CACNA1E: variants seen among roughly 807,000 people sequenced by gnomAD.
CACNA1E encodes calcium voltage-gated channel subunit alpha1 E.
A neutral mutation model predicts 259.2 loss-of-function variants in CACNA1E; 40 were observed. The observed-to-expected ratio is 0.15, with a 90% CI of 0.12 to 0.20. The LOEUF is 0.20. CACNA1E is among the 10% of genes least tolerant of loss of function. The pLI, the probability that CACNA1E is intolerant of heterozygous loss-of-function variation, is 1.00. For synonymous variants in CACNA1E, 1,104 were observed against 1,138.5 expected, an observed-to-expected ratio of 0.97 and a Z score of 0.61; for missense variants, 1,874 against 3,040.1, an observed-to-expected ratio of 0.62 and a Z score of 9.02.
At chr1:181,739,370 C>T in intron 25 of CACNA1E, 117 bp downstream of exon 25, 1 of 754,682 alleles carries the variant, frequency 1.3e-6, no homozygotes, top group Non-Finnish European at 2.3e-6. Flanking sequence ...AATGCCCCCG[C>T]TGGAAATCTG....
At position 181,668,044 on chromosome 1, in the gene CACNA1E, A is replaced by G. The variant is rs1045281657; in HGVS notation, c.1055+16603A>G. On this transcript the variant is annotated intron_variant, in intron 7 of 47. Transcript: ENST00000367573. ...GATTTCACCAGTTTCACATACACTCATTTGTGTGTGTAGTTCCATGTAATT... is the reference window on the plus strand; with the variant it reads ...GATTTCACCAGTTTCACATACACTCGTTTGTGTGTGTAGTTCCATGTAATT... 3.3e-5 allele frequency among the ~76,000 whole-genome samples: 5 copies of G among 152,224 alleles called. No homozygotes were observed. In the East Asian group the frequency reaches 7.7e-4, roughly 24 times the overall value.
chr1:181,645,981 T>C (rs1349363844), intron 6 of CACNA1E, among the ~76,000 whole-genome samples: 1 of 152,146 alleles, frequency 6.6e-6, no homozygotes, highest in Non-Finnish European at 1.5e-5. Flanking sequence ...AGGCCAGGTA[T>C]GTGTCTGTGA....
intron 18 of CACNA1E, among the ~76,000 whole-genome samples, chr1:181,729,327 G>A (rs7533899): frequency 0.026 from 3,973 of 152,312 alleles, 173 homozygotes; most frequent in African/African-American, 0.09. Flanking sequence ...ACCAGTGTGC[G>A]TACATTGCTT....
At chr1:181,559,416 T>C (rs1649082659) in intron 3 of CACNA1E, among the ~76,000 whole-genome samples, 2 of 152,162 alleles carry the variant, frequency 1.3e-5, no homozygotes, top group Non-Finnish European at 2.9e-5. Flanking sequence ...AGTTGGGCAC[T>C]TCGTTTCAGT....
chr1:181,739,296 T>C, intron 25 of CACNA1E, 43 bp downstream of exon 25: 1 of 1,235,676 alleles, frequency 8.1e-7, no homozygotes, highest in East Asian at 2.3e-5. Flanking sequence ...CTTCCCCTCT[T>C]CCTGGAGACT....
At chr1:181,568,047 T>C (rs1259046887) in intron 3 of CACNA1E, among the ~76,000 whole-genome samples, 3 of 152,148 alleles carry the variant, frequency 2.0e-5, no homozygotes, top group Non-Finnish European at 2.9e-5. Flanking sequence ...ATCACCACTT[T>C]ATATGCTTTT....
chr1:181,429,704 C>A (rs567710290), intron 2 of CACNA1E, among the ~76,000 whole-genome samples: 1 of 152,162 alleles, frequency 6.6e-6, no homozygotes, highest in African/African-American at 2.4e-5. Flanking sequence ...AGGCTGTGGC[C>A]GGGAAGACAG....
intron 27 of CACNA1E, among the ~76,000 whole-genome samples, chr1:181,754,344 C>A (rs1026659425): frequency 3.3e-5 from 5 of 152,142 alleles, no homozygotes; most frequent in Admixed American, 2.0e-4. Context: ...CAGTGTTGAA[C>A]TAATTAAACC....
At position 181,458,868 on chromosome 1, in the gene CACNA1E, T is replaced by C. The variant is rs75839176; in HGVS notation, c.435-24876T>C. 5.3e-4 allele frequency among the ~76,000 whole-genome samples: 79 copies of C among 149,170 alleles called. No homozygotes were observed. In the East Asian group the frequency reaches 0.013, roughly 24 times the overall value. On this transcript the variant is annotated intron_variant, in intron 2 of 11. Transcript: ENST00000524607. ...ATCCATCCATCCATCCATCCATCCA[T>C]CCACCCATCCATTTATTCAACAAAT...
At chr1:181,482,883 G>C (rs770314516), upstream of CACNA1E, among the ~76,000 whole-genome samples, 2 of 152,252 alleles carry the variant, frequency 1.3e-5, no homozygotes, top group African/African-American at 2.4e-5. Flanking sequence ...ATGCTGATCC[G>C]GGGAGGCGGC....
intron 1 of CACNA1E, among the ~76,000 whole-genome samples, chr1:181,366,523 A>C (rs998188168): frequency 6.6e-6 from 1 of 152,126 alleles, no homozygotes. Context: ...TTGAGAAGTA[A>C]AACAGCAGCC....
chr1:181,529,080 G>C (rs1332156314), intron 3 of CACNA1E, among the ~76,000 whole-genome samples: 1 of 152,206 alleles, frequency 6.6e-6, no homozygotes, highest in Non-Finnish European at 1.5e-5. Context: ...GGAAAAAGTG[G>C]TTTTGTGGGC....
intron 2 of CACNA1E, among the ~76,000 whole-genome samples, chr1:181,473,432 A>G (rs1662647281): frequency 6.6e-6 from 1 of 152,212 alleles, no homozygotes; most frequent in Admixed American, 6.5e-5. Flanking sequence ...TCAGTTCTTG[A>G]TCTGACTCCT....
intron 3 of CACNA1E, among the ~76,000 whole-genome samples, chr1:181,534,204 G>C (rs777108474): frequency 2.0e-5 from 3 of 152,050 alleles, no homozygotes; most frequent in Admixed American, 6.5e-5. Flanking sequence ...AGGAAGTAAA[G>C]AATGATTGTT....
intron 3 of CACNA1E, among the ~76,000 whole-genome samples, chr1:181,552,505 T>A (rs1648281373): frequency 6.6e-6 from 1 of 152,174 alleles, no homozygotes; most frequent in African/African-American, 2.4e-5. Context: ...TGATCTTTTT[T>A]TTTTTCCTTA....
chr1:181,435,113 A>G (rs533231371), intron 2 of CACNA1E, among the ~76,000 whole-genome samples: 2 of 152,344 alleles, frequency 1.3e-5, no homozygotes, highest in Non-Finnish European at 2.9e-5. Flanking sequence ...TCAAACCATC[A>G]TAAGCCCAGG....
At chr1:181,775,061 A>G (rs537698846) in intron 37 of CACNA1E, among the ~76,000 whole-genome samples, 3 of 152,326 alleles carry the variant, frequency 2.0e-5, no homozygotes, top group Admixed American at 1.3e-4. Flanking sequence ...AAATATCAAC[A>G]TCTCAAGATG....
At chr1:181,724,753 T>C (rs992133866) in intron 17 of CACNA1E, among the ~76,000 whole-genome samples, 1 of 152,320 alleles carries the variant, frequency 6.6e-6, no homozygotes, top group Admixed American at 6.5e-5. Flanking sequence ...CCAGGGGGCC[T>C]CAAGGAACAC....
intron 6 of CACNA1E, among the ~76,000 whole-genome samples, chr1:181,624,570 T>C (rs1656019320): frequency 6.6e-6 from 1 of 152,214 alleles, no homozygotes; most frequent in Non-Finnish European, 1.5e-5. Flanking sequence ...TCCTCATCAA[T>C]GAAAATTTTA....
Sources: allele counts gnomAD v4.1 joint callset (sites outside exome capture counted in the v4.1 genomes callset), GRCh38; gene constraint gnomAD v4.1.1; transcripts MANE v1.5; gene names NCBI Gene and HGNC (gene_info 2026-07-23, HGNC 2026-07-21).